GPATCH1: variants seen among roughly 807,000 people sequenced by gnomAD.
The protein encoded by GPATCH1 is G-patch domain containing 1.
Under a neutral mutation model 114.9 loss-of-function variants are expected in GPATCH1, and 73 were observed. That is an observed-to-expected ratio of 0.64 (90% CI 0.53 to 0.77). The LOEUF (loss-of-function observed/expected upper bound fraction) is 0.77. Ranked by LOEUF, GPATCH1 falls within the 30% of genes least tolerant of loss-of-function variation. GPATCH1 has a pLI of 0.00. For missense variants in GPATCH1, 1,058 were observed against 1,144.3 expected (o/e 0.92, Z 1.09); for synonymous variants, 391 against 428.4 (o/e 0.91, Z 1.08).
chr19:33,107,740 C>T (rs1329113472), intron 10 of GPATCH1, among the ~76,000 whole-genome samples: 4 of 152,176 alleles, frequency 2.6e-5, no homozygotes, highest in Non-Finnish European at 5.9e-5. Context: ...CCATCACACA[C>T]TGCGCTTCCT....
At position 33,113,446 on chromosome 19, in the gene GPATCH1, GA is replaced by G. The variant is rs369277976; in HGVS notation, c.1893-312del. 1,655 of 208,618 alleles carry G rather than the reference GA, an allele frequency of 7.9e-3. 8 individuals are homozygous for G. The highest frequency in any genetic ancestry group is 0.036 in the Middle Eastern group (18 of 494). The allele number at this position is 208,618 out of a possible 1,614,324, so 12.9% of individuals were successfully genotyped here. On this transcript the variant is annotated intron_variant, in intron 13 of 19. Coordinates refer to ENST00000170564, the MANE Select transcript of GPATCH1 (RefSeq NM_018025.3). The stretch of plus-strand genomic sequence containing the variant: ...GACAAGGCGAGACTCAATCTCAAGA[GA>G]AAAAAAAACAAAACAAAAAGATAGC...
chr19:33,130,197 C>T lies in GPATCH1; in HGVS notation c.*37C>T. ...CCTGGCTCGTCCTAGAATCATTTCT[C>T]CTCCATGATGGAAGCCCAGTGATTG... On this transcript the variant is annotated 3_prime_UTR_variant, in exon 20 of 20. Coordinates refer to ENST00000170564, the MANE Select transcript of GPATCH1 (RefSeq NM_018025.3). 1 of 1,473,492 alleles carries T rather than the reference C, an allele frequency of 6.8e-7. No individual in the cohort carries two copies. Among genetic ancestry groups the T allele is most frequent in the Non-Finnish European group, 9.5e-7 (1 of 1,051,896 alleles). The allele number at this position is 1,473,492 out of a possible 1,614,324, so 91.3% of individuals were successfully genotyped here. A position where few individuals can be genotyped will look rare whatever the true frequency, so the allele number is the denominator to read the frequency against.
intron 19 of GPATCH1, among the ~76,000 whole-genome samples, chr19:33,128,119 G>A (rs931294334): frequency 2.6e-5 from 4 of 151,840 alleles, no homozygotes; most frequent in African/African-American, 7.3e-5. Context: ...ACAGAGTCTC[G>A]CTCTGTGACC....
chr19:33,116,009 G>A (rs947755600), intron 15 of GPATCH1, among the ~76,000 whole-genome samples: 4 of 149,386 alleles, frequency 2.7e-5, no homozygotes, highest in African/African-American at 9.8e-5. Context: ...TATTCCATTT[G>A]AATTTTTCTA....
intron 9 of GPATCH1, among the ~76,000 whole-genome samples, 180 bp downstream of exon 9, chr19:33,101,754 G>T (rs1336190323): frequency 6.6e-6 from 1 of 152,188 alleles, no homozygotes; most frequent in Non-Finnish European, 1.5e-5. Context: ...CCAGGGCGAG[G>T]CGCAGTGGCT....
intron 19 of GPATCH1, among the ~76,000 whole-genome samples, chr19:33,129,162 G>A (rs1309523275): frequency 2.0e-5 from 3 of 151,868 alleles, no homozygotes; most frequent in East Asian, 1.9e-4. Context: ...CAGGAGAATC[G>A]CTTGAACCTG....
intron 5 of GPATCH1, among the ~76,000 whole-genome samples, chr19:33,094,711 A>G (rs56210112): frequency 0.026 from 3,930 of 152,220 alleles, 92 homozygotes; most frequent in Non-Finnish European, 0.042. Flanking sequence ...TCACAGTTTA[A>G]CATTATTACT....
intron 1 of GPATCH1, among the ~76,000 whole-genome samples, chr19:33,087,727 A>G (rs1448783447): frequency 2.0e-5 from 3 of 147,962 alleles, no homozygotes; most frequent in South Asian, 2.1e-4. Flanking sequence ...TGTGTCTCCC[A>G]TGCTGGAGTG....
At chr19:33,123,946 TG>T in intron 17 of GPATCH1, among the ~76,000 whole-genome samples, 1 of 152,086 alleles carries the variant, frequency 6.6e-6, no homozygotes, top group African/African-American at 2.4e-5. Flanking sequence ...CTCTGCCTCC[TG>T]GGTTCAAGTG....
chr19:33,122,577 C>A (rs1034615401), intron 17 of GPATCH1, among the ~76,000 whole-genome samples: 1 of 152,124 alleles, frequency 6.6e-6, no homozygotes, highest in Non-Finnish European at 1.5e-5. Flanking sequence ...CCCGCCTCAA[C>A]CTCCCAAAGT....
At chr19:33,089,235 A>G (rs567214972) in intron 2 of GPATCH1, among the ~76,000 whole-genome samples, 17 of 152,228 alleles carry the variant, frequency 1.1e-4, no homozygotes, top group African/African-American at 4.1e-4. Flanking sequence ...TGTCACAGGG[A>G]TCTTGCAGAT....
chr19:33,094,188 G>A lies in GPATCH1; in HGVS notation c.472G>A (p.Glu158Lys), dbSNP rs767665955. 36 of 1,595,946 alleles carry A rather than the reference G, an allele frequency of 2.3e-5. No homozygotes were observed. The East Asian group carries it at 2.5e-4, about 11-fold the overall frequency. The change falls in exon 5 of 20, where the codon GAA becomes AAA. Residue 158 changes from glutamate (E) to lysine (K), a missense_variant. Transcript: ENST00000170564. ...CTATCCTAGATTATCTGTTGGTTTC[G>A]AATTGCTAAGAAAAATGGGTTGGAA... ...ITPAKLSVGFELLRKMGWKEG... is the reference protein window; with the variant it reads ...ITPAKLSVGFKLLRKMGWKEG...
rs575052222 is a variant in GPATCH1 at position 33,082,026 on chromosome 19, A to G, written c.73+760A>G. ...CTCGGCCAATTTTTAATGTTATTCT[A>G]TCTTTGATGTTGAGAATACACTGGT... On this transcript the variant is annotated intron_variant, in intron 1 of 19. Coordinates refer to ENST00000170564, the MANE Select transcript of GPATCH1 (RefSeq NM_018025.3). Among the ~76,000 whole-genome samples the G allele has an allele frequency of 2.9e-5, 4 of 138,888 alleles. 1 individual carries two copies. Among genetic ancestry groups the G allele is most frequent in the South Asian group, 4.5e-4 (2 of 4,486 alleles). 91.1% of individuals were successfully genotyped at this position (138,888 alleles called of 152,430 possible). A position where few individuals can be genotyped will look rare whatever the true frequency, so the allele number is the denominator to read the frequency against.
chr19:33,108,843 G>A (rs754852014), intron 10 of GPATCH1, among the ~76,000 whole-genome samples: 73 of 152,232 alleles, frequency 4.8e-4, no homozygotes, highest in Non-Finnish European at 8.2e-4. Context: ...GTCTGGAGCC[G>A]GGGATGTCAG....
intron 10 of GPATCH1, 50 bp from the exon 11 acceptor site, chr19:33,109,667 T>C (rs369399253): frequency 1.7e-6 from 2 of 1,179,588 alleles, no homozygotes; most frequent in Non-Finnish European, 2.4e-6. Context: ...AACGTAAATG[T>C]GGTTGTCTCA....
chr19:33,105,158 G>A (rs561456788), intron 9 of GPATCH1, among the ~76,000 whole-genome samples: 2 of 152,102 alleles, frequency 1.3e-5, no homozygotes, highest in East Asian at 1.9e-4. Context: ...TAGGCCAGGC[G>A]TGGTGGCTTA....
intron 8 of GPATCH1, 59 bp downstream of exon 8, chr19:33,097,961 G>T (rs1972682546): frequency 1.3e-6 from 2 of 1,520,150 alleles, no homozygotes. Flanking sequence ...CAGGAAGGAG[G>T]GGCTGCAAGA....
chr19:33,096,659 C>T (rs780996914), intron 7 of GPATCH1, among the ~76,000 whole-genome samples: 28 of 151,772 alleles, frequency 1.8e-4, no homozygotes, highest in Admixed American at 9.2e-4. Flanking sequence ...GACGGGGTTT[C>T]GCTCTGTTAC....
At chr19:33,103,842 G>C (rs1430704882) in intron 9 of GPATCH1, among the ~76,000 whole-genome samples, 5 of 152,120 alleles carry the variant, frequency 3.3e-5, no homozygotes, top group Non-Finnish European at 7.3e-5. Context: ...ACAGAGTCGT[G>C]GGCAAACATC....
Sources: allele counts gnomAD v4.1 joint callset (sites outside exome capture counted in the v4.1 genomes callset), GRCh38; gene constraint gnomAD v4.1.1; transcripts MANE v1.5; gene names NCBI Gene and HGNC (gene_info 2026-07-23, HGNC 2026-07-21).